Variants in FRMD4B observed in about 807,000 individuals in gnomAD.
FRMD4B encodes FERM domain-containing protein 4B.
In FRMD4B, 74 loss-of-function variants were observed where a neutral mutation model predicts 141.5. The observed-to-expected ratio is 0.52, with a 90% CI of 0.43 to 0.63. The LOEUF is 0.63. Ranked by LOEUF, FRMD4B falls within the 30% of genes least tolerant of loss-of-function variation. The pLI is 0.00. For synonymous variants in FRMD4B, 506 were observed against 467.9 expected, an observed-to-expected ratio of 1.08 and a Z score of -1.05; for missense variants, 1,366 against 1,253.4, an observed-to-expected ratio of 1.09 and a Z score of -1.36.
chr3:69,228,498 T>C, intron 7 of FRMD4B: 1 of 455,522 alleles, frequency 2.2e-6, no homozygotes, highest in Non-Finnish European at 4.4e-6. Flanking sequence ...GATACAGATT[T>C]GACTCTGTGT....
chr3:69,468,724 C>A (rs1189711631), intron 1 of FRMD4B, among the ~76,000 whole-genome samples: 1 of 152,092 alleles, frequency 6.6e-6, no homozygotes, highest in Non-Finnish European at 1.5e-5. Flanking sequence ...AAGCTATTAC[C>A]AAAGATGACA....
At chr3:69,209,155 A>T (rs2093052679) in intron 11 of FRMD4B, among the ~76,000 whole-genome samples, 1 of 151,956 alleles carries the variant, frequency 6.6e-6, no homozygotes, top group South Asian at 2.1e-4. Context: ...AAAAAAAAAA[A>T]AAAAGAACAT....
chr3:69,307,371 T>C (rs1701430777), intron 3 of FRMD4B, among the ~76,000 whole-genome samples: 1 of 152,148 alleles, frequency 6.6e-6, no homozygotes, highest in Non-Finnish European at 1.5e-5. Context: ...TTTTGGACAG[T>C]GTCTCGCTTT....
intron 1 of FRMD4B, among the ~76,000 whole-genome samples, chr3:69,362,874 A>G (rs1703511005): frequency 6.6e-6 from 1 of 151,814 alleles, no homozygotes; most frequent in Admixed American, 6.6e-5. Flanking sequence ...AATTTTTATT[A>G]TATGTTTCCT....
At chr3:69,474,596 T>C (rs1705951405) in intron 1 of FRMD4B, among the ~76,000 whole-genome samples, 1 of 152,182 alleles carries the variant, frequency 6.6e-6, no homozygotes, top group Non-Finnish European at 1.5e-5. Context: ...CTTCATATAT[T>C]ATTACAACAG....
intron 3 of FRMD4B, among the ~76,000 whole-genome samples, chr3:69,304,817 A>G (rs1441290503): frequency 6.6e-6 from 1 of 152,208 alleles, no homozygotes; most frequent in Admixed American, 6.5e-5. Flanking sequence ...GTGGTGGGAT[A>G]GCGTGTCAAA....
intron 1 of FRMD4B, among the ~76,000 whole-genome samples, chr3:69,533,166 T>C (rs1701027526): frequency 6.6e-6 from 1 of 152,202 alleles, no homozygotes; most frequent in Non-Finnish European, 1.5e-5. Flanking sequence ...CTTTGGATGC[T>C]TGTTCAGGAT....
At chr3:69,233,675 T>C (rs1459639460) in intron 7 of FRMD4B, among the ~76,000 whole-genome samples, 3 of 152,054 alleles carry the variant, frequency 2.0e-5, no homozygotes, top group Non-Finnish European at 4.4e-5. Flanking sequence ...TTACATAACA[T>C]GAGAAATTAA....
At chr3:69,412,367 T>C (rs1407271310) in intron 2 of FRMD4B, among the ~76,000 whole-genome samples, 1 of 152,216 alleles carries the variant, frequency 6.6e-6, no homozygotes, top group Non-Finnish European at 1.5e-5. Flanking sequence ...AGTCAGACTA[T>C]GTGGTGGACT....
chr3:69,435,590 A>T (rs1047312947), intron 1 of FRMD4B, among the ~76,000 whole-genome samples: 2 of 152,214 alleles, frequency 1.3e-5, no homozygotes, highest in African/African-American at 2.4e-5. Context: ...TCTGGTCCAC[A>T]GGGCTGAAAA....
chr3:69,198,701 C>T lies in FRMD4B; in HGVS notation c.950G>A (p.Arg317Gln), dbSNP rs78755279. The T allele has an allele frequency of 2.0e-6, 3 of 1,509,312 alleles. No individual in the cohort carries two copies. Among genetic ancestry groups the T allele is most frequent in the South Asian group, 1.2e-5 (1 of 84,548 alleles). The allele number at this position is 1,509,312 out of a possible 1,614,324, so 93.5% of individuals were successfully genotyped here. ...KKFAVEVHDP[R>Q]RISVSRRTFG... ...GAGAAACGTCTTTGATCCTCACCTT[C>T]GTGGATCATGAACTTCAACAGCAAA... Residue 317 changes from arginine (R) to glutamine (Q), a missense_variant, in exon 12 of 23, where the codon CGA becomes CAA. Physicochemically the swap from Arg to Gln is conservative, Grantham distance 43. Transcript: ENST00000398540.
At chr3:69,285,589 T>C (rs1461810109) in intron 5 of FRMD4B, among the ~76,000 whole-genome samples, 1 of 152,164 alleles carries the variant, frequency 6.6e-6, no homozygotes, top group South Asian at 2.1e-4. Context: ...ATGCCTATAA[T>C]CCCAGCACTT....
intron 4 of FRMD4B, among the ~76,000 whole-genome samples, chr3:69,300,045 G>C (rs1410168891): frequency 1.3e-5 from 2 of 152,072 alleles, no homozygotes; most frequent in African/African-American, 2.4e-5. Flanking sequence ...GTGTCTACTG[G>C]GATAGAAATC....
chr3:69,473,099 T>TC (rs1705924417), intron 1 of FRMD4B, among the ~76,000 whole-genome samples: 1 of 152,018 alleles, frequency 6.6e-6, no homozygotes, highest in Non-Finnish European at 1.5e-5. Flanking sequence ...GAAAGGATGT[T>TC]CCCCAAAGGA....
chr3:69,411,226 A>T (rs1704755255), intron 2 of FRMD4B, among the ~76,000 whole-genome samples: 1 of 152,194 alleles, frequency 6.6e-6, no homozygotes, highest in Non-Finnish European at 1.5e-5. Flanking sequence ...ATGGTATTCT[A>T]ACTGTAAGTC....
At chr3:69,225,905 C>T (rs1275813806) in intron 7 of FRMD4B, among the ~76,000 whole-genome samples, 1 of 152,026 alleles carries the variant, frequency 6.6e-6, no homozygotes, top group Non-Finnish European at 1.5e-5. Flanking sequence ...ATAATGCTAA[C>T]TCTTCCTACC....
Position 69,214,274 on chromosome 3 carries a change from A to G in FRMD4B, c.876+1989T>C, listed in dbSNP as rs377045733. Among the ~76,000 whole-genome samples, 33 of 152,338 alleles carry G rather than the reference A, an allele frequency of 2.2e-4. 1 individual carries two copies. In the East Asian group the frequency reaches 3.9e-3, roughly 18 times the overall value. The stretch of plus-strand genomic sequence containing the variant: ...ATTGGCTGTTTTTCTAACACACATG[A>G]AAGCAAGAGACAGATGGAAATTACA... On this transcript the variant is annotated intron_variant, in intron 11 of 22. Transcript: ENST00000398540.
chr3:69,508,829 G>A (rs868645451), intron 1 of FRMD4B, among the ~76,000 whole-genome samples: 1 of 152,178 alleles, frequency 6.6e-6, no homozygotes, highest in Non-Finnish European at 1.5e-5. Context: ...AACCTATGAG[G>A]TGGATCCTTA....
At chr3:69,347,012 C>A (rs975378094) in intron 1 of FRMD4B, among the ~76,000 whole-genome samples, 16 of 152,314 alleles carry the variant, frequency 1.1e-4, no homozygotes, top group African/African-American at 3.6e-4. Flanking sequence ...GGGCTAATTG[C>A]TCCAATTAAA....
Sources: allele counts gnomAD v4.1 joint callset (sites outside exome capture counted in the v4.1 genomes callset), GRCh38; gene constraint gnomAD v4.1.1; transcripts MANE v1.5; gene names NCBI Gene and HGNC (gene_info 2026-07-23, HGNC 2026-07-21).